FOXK1: variants seen among roughly 807,000 people sequenced by gnomAD.
FOXK1 encodes the protein forkhead box K1.
A neutral mutation model predicts 51.9 loss-of-function variants in FOXK1; 19 were observed. The ratio of observed to expected loss-of-function variants is 0.37; its 90% confidence interval spans 0.26 to 0.54. The LOEUF is 0.54. Ranked by LOEUF, FOXK1 falls within the 20% of genes least tolerant of loss-of-function variation. The pLI is 0.87. For missense variants in FOXK1, 870 were observed against 1,032.7 expected (o/e 0.84, Z 2.16); for synonymous variants, 537 against 482.6 (o/e 1.11, Z -1.48).
chr7:4,752,365 G>A (rs900206731), intron 2 of FOXK1, among the ~76,000 whole-genome samples: 1 of 152,140 alleles, frequency 6.6e-6, no homozygotes, highest in Admixed American at 6.5e-5. Flanking sequence ...GGCTAGTTTC[G>A]ACCATGTGGG....
In FOXK1 at chr7:4,755,507, A is replaced by G. The variant is rs1780835544; in HGVS notation, c.1050+124A>G. The G allele has an allele frequency of 1.5e-6, 2 of 1,330,886 alleles. No individual in the cohort carries two copies. The highest frequency in any genetic ancestry group is 4.7e-5 in the Admixed American group (2 of 42,518). 82.4% of individuals were successfully genotyped at this position (1,330,886 alleles called of 1,614,324 possible). On this transcript the variant is annotated intron_variant, in intron 4 of 8. Coordinates refer to ENST00000328914, the MANE Select transcript of FOXK1 (RefSeq NM_001037165.2). This position sits in a 1 kb window ranked among gnomAD's most constrained non-coding sequence, Gnocchi z 6.6. ...GGGGGCTCACGCCTGGAACCCTAGC[A>G]TTTTGTGAGGCCGAGGCAGGAGGAG...
chr7:4,686,171 A>T (rs148735352), intron 1 of FOXK1, among the ~76,000 whole-genome samples: 314 of 152,196 alleles, frequency 2.1e-3, no homozygotes, highest in Middle Eastern at 0.02. Context: ...GAATTTGTTT[A>T]CTGTAAACTA....
rs1780116940 is a variant in FOXK1 at position 4,707,450 on chromosome 7, C to G, written c.560+24582C>G. Among the ~76,000 whole-genome samples the G allele has an allele frequency of 6.6e-6, 1 of 152,246 alleles. No homozygotes were observed. The highest frequency in any genetic ancestry group is 2.4e-5 in the African/African-American group (1 of 41,452). ...TGGGCGGGCTTTCCGTGTTATTAAT[C>G]TACTTTATGACCCAGTTTCCCCAAA... On this transcript the variant is annotated intron_variant, in intron 1 of 8. Transcript: ENST00000328914. This position sits in a 1 kb window ranked among gnomAD's most constrained non-coding sequence, Gnocchi z 4.1.
chr7:4,762,080 C>A lies in FOXK1; in HGVS notation c.1922-104C>A. On this transcript the variant is annotated intron_variant, in intron 8 of 8. Coordinates refer to ENST00000328914, the MANE Select transcript of FOXK1 (RefSeq NM_001037165.2). This position sits in a 1 kb window ranked among gnomAD's most constrained non-coding sequence, Gnocchi z 5.7. Reference sequence around the variant, plus strand: ...GTCCTGCCTGGCAGGGGTGCACTGACCTCCGGTTCCGGCTTGGTGGCTTAG... The same window carrying A: ...GTCCTGCCTGGCAGGGGTGCACTGAACTCCGGTTCCGGCTTGGTGGCTTAG... 1 of 1,366,106 alleles carries A rather than the reference C, an allele frequency of 7.3e-7. No homozygotes were observed. The highest frequency in any genetic ancestry group is 9.9e-7 in the Non-Finnish European group (1 of 1,010,952). The allele number at this position is 1,366,106 out of a possible 1,614,324, so 84.6% of individuals were successfully genotyped here. A position where few individuals can be genotyped will look rare whatever the true frequency, so the allele number is the denominator to read the frequency against.
intron 1 of FOXK1, among the ~76,000 whole-genome samples, chr7:4,738,840 A>G (rs1035787642): frequency 3.9e-5 from 6 of 152,174 alleles, no homozygotes; most frequent in Non-Finnish European, 8.8e-5. Flanking sequence ...CAGTTGAGCC[A>G]GCTTAAGTGC....
At position 4,771,170 on chromosome 7, in the gene FOXK1, A is replaced by G. The variant is rs11628; in HGVS notation, c.*8706A>G. 38,618 of 152,428 alleles carry G rather than the reference A, an allele frequency of 0.25. 10,069 individuals carry two copies. Among genetic ancestry groups the G allele is most frequent in the African/African-American group, 0.67 (27,679 of 41,386 alleles). 9.4% of individuals were successfully genotyped at this position (152,428 alleles called of 1,614,324 possible). On this transcript the variant is annotated 3_prime_UTR_variant, in exon 9 of 9. Coordinates refer to ENST00000328914, the MANE Select transcript of FOXK1 (RefSeq NM_001037165.2). ...AGCCCCACCCATGTCAACAGCAGGC[A>G]ACCTGTGTTTTCATTTCAAGTGGGA...
chr7:4,720,488 C>T (rs1045899318), intron 1 of FOXK1, among the ~76,000 whole-genome samples: 1 of 152,090 alleles, frequency 6.6e-6, no homozygotes, highest in African/African-American at 2.4e-5. Context: ...TGTGTGAGCC[C>T]ATTCATTGAG....
chr7:4,704,081 A>G (rs1780052229), intron 1 of FOXK1, among the ~76,000 whole-genome samples: 1 of 152,220 alleles, frequency 6.6e-6, no homozygotes. Context: ...CAGTAGCCAC[A>G]CCGAAAGGGT....
intron 1 of FOXK1, among the ~76,000 whole-genome samples, chr7:4,684,162 G>C (rs759764511): frequency 2.0e-5 from 3 of 152,188 alleles, no homozygotes; most frequent in Non-Finnish European, 4.4e-5. Flanking sequence ...GAGAAAGCCT[G>C]TTTAATTACT....
rs114746852 is a variant in FOXK1, at chr7:4,727,514, C to T, written c.561-13324C>T. On this transcript the variant is annotated intron_variant, in intron 1 of 8. Coordinates refer to ENST00000328914, the MANE Select transcript of FOXK1 (RefSeq NM_001037165.2). ...TATATTTAGTAGAGACCCGTTTCAC[C>T]ATGTTGGCCAGGCTGGTCTTGAACT... 2.0e-3 allele frequency among the ~76,000 whole-genome samples: 303 copies of T among 151,980 alleles called. 3 individuals are homozygous for T. Among genetic ancestry groups the T allele is most frequent in the Middle Eastern group, 6.9e-3 (2 of 288 alleles).
rs905074853 is a variant in FOXK1, at chr7:4,749,814, G to A, written c.747-4645G>A. On this transcript the variant is annotated intron_variant, in intron 2 of 8. Transcript: ENST00000328914. The surrounding 1 kb of genome is among the most constrained non-coding windows in gnomAD (Gnocchi z 6.0). ...GCTCTGGGGACGGAGCCCAGCTGGCGGCTCCAGAGGTGGCTTTAGGTCTGT... is the reference window on the plus strand; with the variant it reads ...GCTCTGGGGACGGAGCCCAGCTGGCAGCTCCAGAGGTGGCTTTAGGTCTGT... Among the ~76,000 whole-genome samples, 3 of 152,206 alleles carry A rather than the reference G, an allele frequency of 2.0e-5. No individual in the cohort carries two copies. Among genetic ancestry groups the A allele is most frequent in the African/African-American group, 4.8e-5 (2 of 41,460 alleles).
rs530767842 is a variant in FOXK1, at chr7:4,695,172, C to A, written c.560+12304C>A. 3.9e-5 allele frequency among the ~76,000 whole-genome samples: 6 copies of A among 152,314 alleles called. 1 individual carries two copies. In the East Asian group the frequency reaches 1.2e-3, roughly 29 times the overall value. On this transcript the variant is annotated intron_variant, in intron 1 of 8. Transcript: ENST00000328914. The stretch of plus-strand genomic sequence containing the variant: ...TGTCTGCTTGGCTGTACAGCCCTGG[C>A]ATTGGGAACAGTGATTCATCGCCGC...
At chr7:4,708,848 T>A (rs891761337) in intron 1 of FOXK1, among the ~76,000 whole-genome samples, 2 of 152,062 alleles carry the variant, frequency 1.3e-5, no homozygotes, top group African/African-American at 2.4e-5. Flanking sequence ...GCGGATCACC[T>A]GAGGTCAGGA....
At position 4,761,561 on chromosome 7, in the gene FOXK1, C is replaced by T. The variant is rs1780932735; in HGVS notation, c.1921+273C>T. 1.3e-5 allele frequency among the ~76,000 whole-genome samples: 2 copies of T among 152,152 alleles called. No homozygotes were observed. Among genetic ancestry groups the T allele is most frequent in the Non-Finnish European group, 2.9e-5 (2 of 68,032 alleles). On this transcript the variant is annotated intron_variant, in intron 8 of 8. Coordinates refer to ENST00000328914, the MANE Select transcript of FOXK1 (RefSeq NM_001037165.2). The surrounding 1 kb of genome is among the most constrained non-coding windows in gnomAD (Gnocchi z 6.2). The stretch of plus-strand genomic sequence containing the variant: ...CGGGCAACATAGCAAGACCCCATCT[C>T]TACATAAGATTCAAAAACTTAGCCA...
In FOXK1 at chr7:4,749,210, A is replaced by G. The variant is rs775614616; in HGVS notation, c.747-5249A>G. 6.6e-6 allele frequency among the ~76,000 whole-genome samples: 1 copy of G among 151,896 alleles called. No homozygotes were observed. Among genetic ancestry groups the G allele is most frequent in the Non-Finnish European group, 1.5e-5 (1 of 67,976 alleles). On this transcript the variant is annotated intron_variant, in intron 2 of 8. Coordinates refer to ENST00000328914, the MANE Select transcript of FOXK1 (RefSeq NM_001037165.2). The surrounding 1 kb of genome is among the most constrained non-coding windows in gnomAD (Gnocchi z 6.0). ...CTTTGCATGCTGTTCTTACTGTCCT[A>G]CAGAGACGGCATCGTTACCTCCCTA...
chr7:4,708,490 A>G (rs1226970207), intron 1 of FOXK1, among the ~76,000 whole-genome samples: 1 of 152,226 alleles, frequency 6.6e-6, no homozygotes, highest in Non-Finnish European at 1.5e-5. Context: ...TCAGTTATCC[A>G]AAGTCTCTCT....
At chr7:4,712,210 G>C (rs932745881) in intron 1 of FOXK1, among the ~76,000 whole-genome samples, 5 of 152,116 alleles carry the variant, frequency 3.3e-5, no homozygotes, top group Non-Finnish European at 1.5e-5. Flanking sequence ...GACGTTCGAC[G>C]TGTCAGACTT....
rs746097478 is a variant in FOXK1 at position 4,762,394 on chromosome 7, G to T, written c.2132G>T (p.Ser711Ile). ...EVKRSRVEEPSGAVTTPAGVI... is the reference protein window; with the variant it reads ...EVKRSRVEEPIGAVTTPAGVI... ...AAAAGGTCCCGGGTGGAGGAGCCCAGTGGTGCTGTAACCACACCGGCTGGA... is the reference window on the plus strand; with the variant it reads ...AAAAGGTCCCGGGTGGAGGAGCCCATTGGTGCTGTAACCACACCGGCTGGA... The change falls in exon 9 of 9, where the codon AGT becomes ATT. Residue 711 changes from serine (S) to isoleucine (I), a missense_variant. Physicochemically the swap from Ser to Ile is moderately radical, Grantham distance 142. Coordinates refer to ENST00000328914, the MANE Select transcript of FOXK1 (RefSeq NM_001037165.2). This position sits in a 1 kb window ranked among gnomAD's most constrained non-coding sequence, Gnocchi z 5.7. 2 of 1,550,180 alleles carry T rather than the reference G, an allele frequency of 1.3e-6. No homozygotes were observed. The highest frequency in any genetic ancestry group is 1.4e-5 in the African/African-American group (1 of 73,146).
Position 4,771,110 on chromosome 7 carries a change from C to G in FOXK1, c.*8646C>G, listed in dbSNP as rs550241698. 2.0e-5 allele frequency: 3 copies of G among 152,366 alleles called. No individual in the cohort carries two copies. The highest frequency in any genetic ancestry group is 2.0e-4 in the Admixed American group (3 of 15,252). 9.4% of individuals were successfully genotyped at this position (152,366 alleles called of 1,614,324 possible). A position where few individuals can be genotyped will look rare whatever the true frequency, so the allele number is the denominator to read the frequency against. On this transcript the variant is annotated 3_prime_UTR_variant, in exon 9 of 9. Coordinates refer to ENST00000328914, the MANE Select transcript of FOXK1 (RefSeq NM_001037165.2). The stretch of plus-strand genomic sequence containing the variant: ...GGGGGGTGTGGCTGCACCCCAGCAC[C>G]GGGAGGGGGCACGCACGACACCAGA...
Sources: gnomAD v4.1 joint callset for allele counts (sites outside exome capture counted in the v4.1 genomes callset) on GRCh38, gnomAD v4.1.1 for gene constraint, Gnocchi (gnomAD v3.1) non-coding constraint, MANE v1.5 for transcripts, NCBI Gene and HGNC (gene_info 2026-07-23, HGNC 2026-07-21) for gene names.